Variants in SBF2 observed in about 807,000 individuals in gnomAD.
SBF2 encodes the protein SET binding factor 2, also known as myotubularin-related protein 13.
Under a neutral mutation model 225.2 loss-of-function variants are expected in SBF2, and 112 were observed. That is an observed-to-expected ratio of 0.50 (90% CI 0.43 to 0.58). SBF2 has a LOEUF of 0.58. Ranked by LOEUF, SBF2 falls within the 20% of genes least tolerant of loss-of-function variation. The pLI, the probability that SBF2 is intolerant of heterozygous loss-of-function variation, is 0.00. For missense variants in SBF2, 1,996 were observed against 2,206.2 expected, an observed-to-expected ratio of 0.90 and a Z score of 1.91; for synonymous variants, 763 against 773.3, an observed-to-expected ratio of 0.99 and a Z score of 0.22.
intron 2 of SBF2, among the ~76,000 whole-genome samples, chr11:10,104,143 T>C (rs1952447687): frequency 6.6e-6 from 1 of 152,070 alleles, no homozygotes; most frequent in Non-Finnish European, 1.5e-5. Context: ...ATTTTCCAAT[T>C]TTACTTCTGC....
At chr11:10,080,752 G>A (rs535896550) in intron 2 of SBF2, among the ~76,000 whole-genome samples, 90 of 151,936 alleles carry the variant, frequency 5.9e-4, no homozygotes, top group Non-Finnish European at 1.1e-3. Context: ...ACAGACTGAA[G>A]GTAAAGGGGT....
Position 9,850,163 on chromosome 11 carries a change from AG to A in SBF2, c.2665del (p.Leu889PhefsTer47). ...LPGEEIVCEG[L>X]RVLLDPDGRE... ...TCCATCAGGATCCAGCAAGACTCGAAGACCCTCACAGACAATTTCTTCTCCT... is the reference window on the plus strand; with the variant it reads ...TCCATCAGGATCCAGCAAGACTCGAAACCCTCACAGACAATTTCTTCTCCT... On this transcript the variant is annotated frameshift_variant, in exon 22 of 40. Coordinates refer to ENST00000256190, the MANE Select transcript of SBF2 (RefSeq NM_030962.4). LOFTEE classifies it high-confidence loss of function. 1 of 1,614,090 alleles carries A rather than the reference AG, an allele frequency of 6.2e-7. No individual in the cohort carries two copies. The highest frequency in any genetic ancestry group is 1.3e-5 in the African/African-American group (1 of 75,062).
chr11:9,890,479 C>T (rs1045077110), intron 17 of SBF2, among the ~76,000 whole-genome samples: 3 of 152,134 alleles, frequency 2.0e-5, no homozygotes, highest in South Asian at 2.1e-4. Flanking sequence ...GTCTGAATAA[C>T]GCTCTTATTC....
chr11:9,812,541 C>G lies in SBF2; in HGVS notation c.4146G>C (p.Trp1382Cys), dbSNP rs1854246275. 1 of 1,614,170 alleles carries G rather than the reference C, an allele frequency of 6.2e-7. No individual in the cohort carries two copies. The highest frequency in any genetic ancestry group is 8.5e-7 in the Non-Finnish European group (1 of 1,180,040). The change falls in exon 30 of 40, where the codon TGG (tryptophan) becomes TGC (cysteine). Residue 1382 changes from tryptophan (W) to cysteine (C), a missense_variant. Physicochemically the swap from Trp to Cys is radical, Grantham distance 215. Coordinates refer to ENST00000256190, the MANE Select transcript of SBF2 (RefSeq NM_030962.4). ...TFLKALGDSE[W>C]FPQLHRIMQL... ...CTGCTTCAGACATTACCTGTGGGAA[C>G]CACTCAGAATCTCCCAGCGCTTTCA... is the stretch of plus-strand genomic sequence containing the variant.
intron 35 of SBF2, among the ~76,000 whole-genome samples, chr11:9,788,799 G>A (rs547895605): frequency 1.3e-5 from 2 of 150,590 alleles, no homozygotes; most frequent in African/African-American, 4.9e-5. Context: ...TAGAGATGGG[G>A]TTTTACTGTG....
intron 17 of SBF2, among the ~76,000 whole-genome samples, chr11:9,890,121 A>C (rs1295641897): frequency 6.6e-6 from 1 of 152,094 alleles, no homozygotes; most frequent in East Asian, 1.9e-4. Context: ...GCCAGGCTGG[A>C]CTTGAACTCC....
intron 2 of SBF2, among the ~76,000 whole-genome samples, chr11:10,092,923 T>C (rs1393509278): frequency 1.3e-5 from 2 of 152,036 alleles, no homozygotes; most frequent in African/African-American, 4.8e-5. Flanking sequence ...TTTACCTCAA[T>C]TTAGGAATGC....
chr11:10,076,391 T>C (rs977866024), intron 2 of SBF2, among the ~76,000 whole-genome samples: 1 of 152,196 alleles, frequency 6.6e-6, no homozygotes, highest in Non-Finnish European at 1.5e-5. Flanking sequence ...TTGGAGAATC[T>C]TCAGATCAGG....
At chr11:9,864,944 C>CTGCT (rs1006835095) in intron 17 of SBF2, among the ~76,000 whole-genome samples, 2 of 151,836 alleles carry the variant, frequency 1.3e-5, no homozygotes, top group Non-Finnish European at 2.9e-5. Flanking sequence ...AGGGTCTCAC[C>CTGCT]TGCTGCCCAG....
At chr11:10,035,714 A>AT (rs1234765550) in intron 3 of SBF2, among the ~76,000 whole-genome samples, 1 of 152,244 alleles carries the variant, frequency 6.6e-6, no homozygotes, top group East Asian at 1.9e-4. Flanking sequence ...TCACAATGAG[A>AT]TACCATCTCA....
intron 26 of SBF2, among the ~76,000 whole-genome samples, 162 bp from the exon 27 acceptor site, chr11:9,832,582 A>G (rs1213847849): frequency 6.6e-6 from 1 of 152,188 alleles, no homozygotes; most frequent in Non-Finnish European, 1.5e-5. Context: ...TTGAAGGGTA[A>G]GATATATTTA....
chr11:10,226,449 T>G (rs1422537051), intron 1 of SBF2, among the ~76,000 whole-genome samples: 2 of 152,002 alleles, frequency 1.3e-5, no homozygotes, highest in African/African-American at 2.4e-5. Context: ...CATTTAGCAT[T>G]AGGTGTATCT....
intron 28 of SBF2, among the ~76,000 whole-genome samples, chr11:9,822,977 A>T (rs1455445580): frequency 1.3e-5 from 2 of 152,230 alleles, no homozygotes; most frequent in Non-Finnish European, 2.9e-5. Context: ...CCTGGAGGTT[A>T]TTTCAAGAAT....
intron 2 of SBF2, among the ~76,000 whole-genome samples, chr11:10,144,390 A>C (rs577783805): frequency 9.4e-4 from 143 of 152,234 alleles, no homozygotes; most frequent in African/African-American, 3.0e-3. Flanking sequence ...TGGGAGGTTA[A>C]GGTGGGAGGA....
rs573423218 is a variant in SBF2 at position 9,995,880 on chromosome 11, G to A, written c.976-1882C>T. 4.0e-3 allele frequency among the ~76,000 whole-genome samples: 594 copies of A among 147,512 alleles called. 3 individuals carry two copies. The highest frequency in any genetic ancestry group is 0.028 in the Middle Eastern group (8 of 282). ...TCACCATGTTGGTCAGGCTGGTCTC[G>A]AACTCCTGACCTCAGATGATCCGCC... On this transcript the variant is annotated intron_variant, in intron 9 of 39. Coordinates refer to ENST00000256190, the MANE Select transcript of SBF2 (RefSeq NM_030962.4).
At chr11:10,037,053 A>G (rs978950509) in intron 3 of SBF2, among the ~76,000 whole-genome samples, 6 of 152,166 alleles carry the variant, frequency 3.9e-5, no homozygotes, top group Non-Finnish European at 8.8e-5. Flanking sequence ...CCAATTAATC[A>G]TAGTTAATCC....
At chr11:9,999,279 CTGTATGTATGTATGTATGTA>C (rs3073236) in intron 8 of SBF2, among the ~76,000 whole-genome samples, 29,396 of 146,758 alleles carry the variant, frequency 0.2, 3,020 homozygotes, top group East Asian at 0.3. Context: ...CCTCCAGTGA[CTGTATGTATGTATGTATGTA>C]TGTATGTATG....
chr11:10,115,894 C>A (rs984949982), intron 2 of SBF2, among the ~76,000 whole-genome samples: 4 of 152,144 alleles, frequency 2.6e-5, no homozygotes, highest in Admixed American at 6.6e-5. Context: ...GGGCCAGGTG[C>A]GGTGGCTCAT....
chr11:9,788,427 C>T (rs1443278544), intron 35 of SBF2, among the ~76,000 whole-genome samples: 57 of 152,110 alleles, frequency 3.7e-4, no homozygotes, highest in Admixed American at 3.7e-3. Flanking sequence ...CCCATCAGGC[C>T]ACTGACTACC....
Sources: allele counts gnomAD v4.1 joint callset (sites outside exome capture counted in the v4.1 genomes callset), GRCh38; gene constraint gnomAD v4.1.1; transcripts MANE v1.5; gene names NCBI Gene and HGNC (gene_info 2026-07-23, HGNC 2026-07-21).